GSE1: variants seen among roughly 807,000 people sequenced by gnomAD.
The protein encoded by GSE1 is Gse1 coiled-coil protein.
In GSE1, 32 loss-of-function variants were observed where a neutral mutation model predicts 112.6. The ratio of observed to expected loss-of-function variants is 0.28; its 90% CI spans 0.21 to 0.38. The LOEUF is 0.38. Among genes scored for constraint, GSE1 ranks in the 10% least tolerant of loss-of-function variants. The probability of loss-of-function intolerance (pLI) is 1.00; values close to 1 mark genes in which losing one functional copy is unlikely to be tolerated. For synonymous variants in GSE1, 1,115 were observed against 735.6 expected (o/e 1.52, Z -8.35); for missense variants, 2,348 against 1,699.2 (o/e 1.38, Z -6.71).
intron 2 of GSE1, among the ~76,000 whole-genome samples, chr16:85,399,687 T>C (rs998938612): frequency 5.9e-5 from 9 of 152,196 alleles, no homozygotes; most frequent in African/African-American, 1.7e-4. Flanking sequence ...ATCACTGCCG[T>C]AGGCGTGGGG....
intron 1 of GSE1, among the ~76,000 whole-genome samples, chr16:85,557,220 C>T (rs1176278204): frequency 1.3e-5 from 2 of 152,244 alleles, no homozygotes; most frequent in African/African-American, 4.8e-5. Context: ...ACCCCCACTC[C>T]TGTGCCCCCT....
intron 1 of GSE1, among the ~76,000 whole-genome samples, chr16:85,561,243 T>G (rs2045505560): frequency 6.6e-6 from 1 of 152,162 alleles, no homozygotes; most frequent in African/African-American, 2.4e-5. Context: ...GAGGCTACTC[T>G]TACCCCCCTT....
rs1410373244 is a variant in GSE1 at position 85,675,259 on chromosome 16, T to A, written c.*2720T>A. On this transcript the variant is annotated 3_prime_UTR_variant, in exon 16 of 16. Transcript: ENST00000253458. Reference sequence around the variant, plus strand: ...ATGCACCTGAAAGCCCTCGGCTCGGTCCTTAGACCATCTTCCTACATTACC... The same window carrying A: ...ATGCACCTGAAAGCCCTCGGCTCGGACCTTAGACCATCTTCCTACATTACC... 1 of 152,152 alleles carries A rather than the reference T, an allele frequency of 6.6e-6. No homozygotes were observed. Among genetic ancestry groups the A allele is most frequent in the Admixed American group, 6.5e-5 (1 of 15,276 alleles). The allele number at this position is 152,152 out of a possible 1,614,324, so 9.4% of individuals were successfully genotyped here. A position where few individuals can be genotyped will look rare whatever the true frequency, so the allele number is the denominator to read the frequency against.
At chr16:85,416,508 C>G (rs942580943) in intron 2 of GSE1, among the ~76,000 whole-genome samples, 1 of 152,146 alleles carries the variant, frequency 6.6e-6, no homozygotes, top group Admixed American at 6.5e-5. Context: ...GAGGTGCAGC[C>G]CCTGCCACGT....
intron 2 of GSE1, among the ~76,000 whole-genome samples, chr16:85,549,709 G>C (rs1174500874): frequency 1.3e-5 from 2 of 152,204 alleles, no homozygotes; most frequent in African/African-American, 2.4e-5. Context: ...CCTCAGACTG[G>C]CTTGAGACTT....
chr16:85,531,373 CCT>C (rs1178600839), intron 2 of GSE1, among the ~76,000 whole-genome samples: 1 of 152,082 alleles, frequency 6.6e-6, no homozygotes, highest in African/African-American at 2.4e-5. Context: ...GCCGCTGACC[CCT>C]GTCATGGCCC....
At position 85,354,004 on chromosome 16, in the gene GSE1, G is replaced by T. The variant is rs527976855; in HGVS notation, c.2284-3459G>T. Among the ~76,000 whole-genome samples the T allele has an allele frequency of 5.3e-5, 8 of 152,290 alleles. No individual in the cohort carries two copies. In the East Asian group the frequency reaches 1.5e-3, roughly 29 times the overall value. ...CCTGCCTCTGGCGCCTTGTGCAGGT[G>T]CCTCCCACACCTGGAATGCTGTCCC... On this transcript the variant is annotated intron_variant, in intron 1 of 2. Transcript: ENST00000637419.
chr16:85,520,643 G>A (rs1420660641), intron 2 of GSE1, among the ~76,000 whole-genome samples: 1 of 151,820 alleles, frequency 6.6e-6, no homozygotes, highest in Non-Finnish European at 1.5e-5. Flanking sequence ...GGCTGGTCTT[G>A]AACTCCTAAC....
chr16:85,635,953 G>A (rs896853928), intron 2 of GSE1, among the ~76,000 whole-genome samples: 5 of 152,232 alleles, frequency 3.3e-5, no homozygotes, highest in African/African-American at 4.8e-5. Flanking sequence ...TCACAGGGCC[G>A]TCGCTTCCTC....
At chr16:85,337,430 T>G (rs9934425) in intron 1 of GSE1, among the ~76,000 whole-genome samples, 1 of 126,784 alleles carries the variant, frequency 7.9e-6, no homozygotes. Flanking sequence ...CTCAGCCTCC[T>G]GAGTAGCTGG....
At chr16:85,343,552 G>A (rs1172964895) in intron 1 of GSE1, among the ~76,000 whole-genome samples, 1 of 152,132 alleles carries the variant, frequency 6.6e-6, no homozygotes, top group African/African-American at 2.4e-5. Flanking sequence ...AGTTCGAGAT[G>A]AGCTTGGACA....
intron 2 of GSE1, among the ~76,000 whole-genome samples, chr16:85,420,267 C>A (rs1166005721): frequency 1.3e-5 from 2 of 152,122 alleles, no homozygotes; most frequent in Non-Finnish European, 2.9e-5. Context: ...GCCCTGTCGC[C>A]CAGGTTGTCG....
In GSE1 at chr16:85,661,465, C is replaced by T. The variant is rs773633098; in HGVS notation, c.1960C>T (p.Pro654Ser). 3.7e-6 allele frequency: 6 copies of T among 1,611,534 alleles called. No homozygotes were observed. The African/African-American group carries it at 4.0e-5, about 11-fold the overall frequency. Residue 654 changes from proline to serine, a missense_variant, in exon 9 of 16, where the codon CCG becomes TCG. Pro to Ser is a moderately conservative substitution (Grantham distance 74). Coordinates refer to ENST00000253458, the MANE Select transcript of GSE1 (RefSeq NM_014615.5). ...APLDKYQPPP[P>S]PPREGGSLEH... ...TCTGGACAAGTACCAGCCACCTCCG[C>T]CGCCACCACGAGAGGGAGGGAGCCT... is the stretch of plus-strand genomic sequence containing the variant.
At position 85,492,269 on chromosome 16, in the gene GSE1, G is replaced by A. The variant is rs946508945; in HGVS notation, c.2464+134626G>A. Among the ~76,000 whole-genome samples the A allele has an allele frequency of 5.3e-5, 8 of 152,252 alleles. No homozygotes were observed. The East Asian group carries it at 7.7e-4, about 15-fold the overall frequency. The stretch of plus-strand genomic sequence containing the variant: ...GCACTGGCTGGGAGCCGCCCCCGTC[G>A]GCCTGTGCTGAGGTTTCTGGGGTTC... On this transcript the variant is annotated intron_variant, in intron 2 of 2. Transcript: ENST00000637419.
At chr16:85,265,511 G>A (rs764735827) in intron 1 of GSE1, among the ~76,000 whole-genome samples, 1 of 152,052 alleles carries the variant, frequency 6.6e-6, no homozygotes, top group African/African-American at 2.4e-5. Flanking sequence ...GAATATGTCC[G>A]GACTATATCT....
At chr16:85,318,284 GA>G (rs1249674711) in intron 1 of GSE1, among the ~76,000 whole-genome samples, 1 of 152,202 alleles carries the variant, frequency 6.6e-6, no homozygotes, top group Non-Finnish European at 1.5e-5. Flanking sequence ...TGGATGGGGG[GA>G]TAGGGTCTTA....
chr16:85,232,442 G>A (rs959009267), intron 1 of GSE1, among the ~76,000 whole-genome samples: 3 of 152,214 alleles, frequency 2.0e-5, no homozygotes, highest in Non-Finnish European at 4.4e-5. Context: ...GACAGGGGCT[G>A]ATGGTGTGGA....
At chr16:85,643,250 A>T (rs1216058357) in intron 2 of GSE1, among the ~76,000 whole-genome samples, 1 of 152,166 alleles carries the variant, frequency 6.6e-6, no homozygotes. Flanking sequence ...CTCCTGGCTG[A>T]ATACCGCCAG....
intron 2 of GSE1, among the ~76,000 whole-genome samples, chr16:85,380,453 G>T (rs772990747): frequency 6.6e-6 from 1 of 152,148 alleles, no homozygotes; most frequent in African/African-American, 2.4e-5. Context: ...AATCTGTAGC[G>T]TAGGGAACCA....
Sources: gnomAD v4.1 joint callset for allele counts (sites outside exome capture counted in the v4.1 genomes callset) on GRCh38, gnomAD v4.1.1 for gene constraint, MANE v1.5 for transcripts, NCBI Gene and HGNC (gene_info 2026-07-23, HGNC 2026-07-21) for gene names.